Variants in GALNTL5 observed in about 807,000 individuals in gnomAD.
GALNTL5 encodes polypeptide N-acetylgalactosaminyltransferase like 5.
A neutral mutation model predicts 51.0 loss-of-function variants in GALNTL5; 44 were observed. The observed-to-expected ratio is 0.86, with a 90% CI of 0.68 to 1.11. The LOEUF (loss-of-function observed/expected upper bound fraction) is 1.11, where lower values mean the gene tolerates loss of function less well. Among genes scored for constraint, GALNTL5 ranks in the 50% least tolerant of loss-of-function variants. The probability of loss-of-function intolerance (pLI) is 0.00; values close to 1 mark genes in which losing one functional copy is unlikely to be tolerated. For missense variants in GALNTL5, 528 were observed against 531.8 expected (o/e 0.99, Z 0.07); for synonymous variants, 192 against 182.8 (o/e 1.05, Z -0.41).
intron 5 of GALNTL5, among the ~76,000 whole-genome samples, chr7:151,990,334 G>C (rs1323839387): frequency 6.6e-6 from 1 of 151,830 alleles, no homozygotes; most frequent in Admixed American, 6.6e-5. Context: ...ATGAGCCATT[G>C]TGCCTGGCTA....
chr7:151,967,152 G>A, intron 1 of GALNTL5, 56 bp from the exon 2 acceptor site: 1 of 1,130,878 alleles, frequency 8.8e-7, no homozygotes, highest in South Asian at 1.5e-5. Context: ...CCAAGTAGGT[G>A]ATCTACAAAC....
rs564187744 is a variant in GALNTL5 at position 152,010,301 on chromosome 7, T to C, written c.1026+2357T>C. Reference sequence around the variant, plus strand: ...CTAATTGTTTGTATTTTAGTAGAGATGGGGTTTCACCATGTTGGCCAGGAT... The same window carrying C: ...CTAATTGTTTGTATTTTAGTAGAGACGGGGTTTCACCATGTTGGCCAGGAT... On this transcript the variant is annotated intron_variant, in intron 7 of 8. Transcript: ENST00000392800. 9.9e-5 allele frequency among the ~76,000 whole-genome samples: 15 copies of C among 152,078 alleles called. No homozygotes were observed. The South Asian group carries it at 1.5e-3, about 15-fold the overall frequency.
chr7:151,959,747 T>A (rs953171088), intron 1 of GALNTL5, among the ~76,000 whole-genome samples: 3 of 152,176 alleles, frequency 2.0e-5, no homozygotes, highest in Non-Finnish European at 4.4e-5. Context: ...TAAGTTGTAA[T>A]GTGACCCTAC....
chr7:152,013,830 C>A (rs917061490), intron 7 of GALNTL5, among the ~76,000 whole-genome samples: 1 of 152,162 alleles, frequency 6.6e-6, no homozygotes, highest in Non-Finnish European at 1.5e-5. Context: ...AATGTTAGGA[C>A]AAGAAGTGAA....
chr7:151,996,209 T>A (rs537957067), intron 5 of GALNTL5, among the ~76,000 whole-genome samples: 106 of 152,192 alleles, frequency 7.0e-4, no homozygotes, highest in Non-Finnish European at 1.2e-3. Context: ...TTTTTAATTT[T>A]ATTTTATTAT....
intron 1 of GALNTL5, among the ~76,000 whole-genome samples, chr7:151,962,702 G>A (rs926142239): frequency 4.6e-5 from 7 of 151,772 alleles, no homozygotes; most frequent in Non-Finnish European, 7.4e-5. Context: ...TCCACCTCCC[G>A]GGTTCACACA....
chr7:152,016,181 G>A (rs535821392), intron 8 of GALNTL5, among the ~76,000 whole-genome samples: 2 of 152,272 alleles, frequency 1.3e-5, no homozygotes, highest in African/African-American at 4.8e-5. Flanking sequence ...GAGGCAGGCA[G>A]ATCACCTGAG....
At chr7:151,986,200 C>T (rs1333233017) in intron 4 of GALNTL5, among the ~76,000 whole-genome samples, 1 of 152,186 alleles carries the variant, frequency 6.6e-6, no homozygotes, top group African/African-American at 2.4e-5. Flanking sequence ...GGTTCGATAA[C>T]TTTCCCAAGA....
At chr7:152,006,022 G>A (rs1429446119) in intron 6 of GALNTL5, among the ~76,000 whole-genome samples, 2 of 152,008 alleles carry the variant, frequency 1.3e-5, no homozygotes, top group Non-Finnish European at 2.9e-5. Flanking sequence ...CCAGCCCTGA[G>A]CCCTGGGTGC....
intron 3 of GALNTL5, among the ~76,000 whole-genome samples, chr7:151,982,685 A>C (rs1324414902): frequency 6.6e-6 from 1 of 152,212 alleles, no homozygotes; most frequent in African/African-American, 2.4e-5. Context: ...AAGCTAATAC[A>C]TGAATATAAT....
intron 4 of GALNTL5, among the ~76,000 whole-genome samples, chr7:151,984,472 A>C (rs1315964731): frequency 6.6e-6 from 1 of 152,204 alleles, no homozygotes; most frequent in Non-Finnish European, 1.5e-5. Context: ...CCATCCCATG[A>C]GGTTCACCCT....
rs71198750 is a variant in GALNTL5, at chr7:151,995,348, A to ATTTTTTTTTTT, written c.659-7334_659-7324dup. ...AGAAATCTACGATCAGTTGGTATGA[A>ATTTTTTTTTTT]TTTTTTTTTTTTTTTTTTTTTTTTT... is the stretch of plus-strand genomic sequence containing the variant. On this transcript the variant is annotated intron_variant, in intron 5 of 8. Coordinates refer to ENST00000392800, the MANE Select transcript of GALNTL5 (RefSeq NM_145292.4). 2.8e-4 allele frequency: 20 copies of ATTTTTTTTTTT among 71,174 alleles called. 3 individuals carry two copies. The highest frequency in any genetic ancestry group is 6.3e-4 in the African/African-American group (13 of 20,752). The allele number at this position is 71,174 out of a possible 1,614,324, so 4.4% of individuals were successfully genotyped here. A position where few individuals can be genotyped will look rare whatever the true frequency, so the allele number is the denominator to read the frequency against.
chr7:151,964,318 C>T (rs1268871475), intron 1 of GALNTL5, among the ~76,000 whole-genome samples: 1 of 152,166 alleles, frequency 6.6e-6, no homozygotes, highest in African/African-American at 2.4e-5. Flanking sequence ...GACACAGTTC[C>T]GTTCATTGCA....
At chr7:151,964,837 C>G (rs1350756375) in intron 1 of GALNTL5, among the ~76,000 whole-genome samples, 1 of 152,156 alleles carries the variant, frequency 6.6e-6, no homozygotes, top group Non-Finnish European at 1.5e-5. Context: ...ATGTGGAGGT[C>G]TTTTCTCCAG....
At chr7:151,974,078 T>G (rs2081179742) in intron 3 of GALNTL5, among the ~76,000 whole-genome samples, 1 of 152,176 alleles carries the variant, frequency 6.6e-6, no homozygotes, top group South Asian at 2.1e-4. Context: ...TGTGGAACTG[T>G]GGTCAATTAA....
chr7:151,970,616 G>A (rs531152934), intron 2 of GALNTL5: 10 of 223,426 alleles, frequency 4.5e-5, no homozygotes, highest in African/African-American at 2.1e-4. Flanking sequence ...TGACCTGCCT[G>A]TTTCCCTTTT....
At chr7:151,997,463 C>T (rs1828320240) in intron 5 of GALNTL5, among the ~76,000 whole-genome samples, 2 of 152,162 alleles carry the variant, frequency 1.3e-5, no homozygotes, top group African/African-American at 2.4e-5. Context: ...TACTACTTTG[C>T]TCTCCTTACA....
chr7:151,984,585 G>T (rs1328123768), intron 4 of GALNTL5, among the ~76,000 whole-genome samples: 1 of 152,172 alleles, frequency 6.6e-6, no homozygotes, highest in Non-Finnish European at 1.5e-5. Context: ...AAATAACACT[G>T]TTTCTAAGGG....
intron 1 of GALNTL5, among the ~76,000 whole-genome samples, chr7:151,961,327 C>T (rs62478447): frequency 0.39 from 56,439 of 145,262 alleles, 11,067 homozygotes; most frequent in Middle Eastern, 0.56. Context: ...CATGGCAAAA[C>T]GCCAACTCTA....
Sources: allele counts gnomAD v4.1 joint callset (sites outside exome capture counted in the v4.1 genomes callset), GRCh38; gene constraint gnomAD v4.1.1; transcripts MANE v1.5; gene names NCBI Gene and HGNC (gene_info 2026-07-23, HGNC 2026-07-21).